The following IL17RA variants were observed in gnomAD, a reference collection of about 807,000 sequenced individuals.
IL17RA encodes the protein interleukin-17 receptor A.
In IL17RA, 34 loss-of-function variants were observed where a neutral mutation model predicts 50.4. The ratio of observed to expected loss-of-function variants is 0.67; its 90% CI spans 0.51 to 0.90. The LOEUF (loss-of-function observed/expected upper bound fraction) is 0.90. Ranked by LOEUF, IL17RA falls within the 40% of genes least tolerant of loss-of-function variation. The pLI is 0.00. For synonymous variants in IL17RA, 585 were observed against 510.4 expected (o/e 1.15, Z -1.97); for missense variants, 1,276 against 1,169.8 (o/e 1.09, Z -1.32).
chr22:17,089,501 A>T (rs1568915585), intron 1 of IL17RA, among the ~76,000 whole-genome samples: 1 of 152,092 alleles, frequency 6.6e-6, no homozygotes, highest in African/African-American at 2.4e-5. Context: ...TGTCATGACA[A>T]TCCCCCCTCT....
At chr22:17,094,691 C>CTCTCTCTCTCTCTATATATATATATATA (rs1448096911) in intron 1 of IL17RA, among the ~76,000 whole-genome samples, 2 of 24,702 alleles carry the variant, frequency 8.1e-5, no homozygotes, top group African/African-American at 2.3e-4. Flanking sequence ...CTCTCTCTCT[C>CTCTCTCTCTCTCTATATATATATATATA]TATATATATA....
Position 17,109,716 on chromosome 22 carries a change from C to A in IL17RA, c.2497C>A (p.Leu833Met), listed in dbSNP as rs867586342. 1 of 1,583,936 alleles carries A rather than the reference C, an allele frequency of 6.3e-7. No individual in the cohort carries two copies. Among genetic ancestry groups the A allele is most frequent in the East Asian group, 2.3e-5 (1 of 43,724 alleles). Residue 833 changes from leucine (L) to methionine (M), a missense_variant, in exon 13 of 13, where the codon CTG becomes ATG. By Grantham distance (15) the Leu-to-Met change is conservative. Transcript: ENST00000319363. ...GGCCCTGCCACTCTCTCCCGAGGAC[C>A]TGGAGAGCCTGAGGAGCCTCCAGCG... ...KPALPLSPED[L>M]ESLRSLQRQL... is the part of the protein sequence containing the mutation.
chr22:17,085,539 GGAA>G (rs1204646238), intron 1 of IL17RA, among the ~76,000 whole-genome samples: 3 of 152,152 alleles, frequency 2.0e-5, no homozygotes, highest in African/African-American at 4.8e-5. Flanking sequence ...CGGAGTTCGG[GGAA>G]GGAGGGCGCG....
rs765984018 is a variant in IL17RA at position 17,102,030 on chromosome 22, A to G, written c.585A>G (p.Pro195=). 1 of 1,614,246 alleles carries G rather than the reference A, an allele frequency of 6.2e-7. No homozygotes were observed. Residue 195 remains proline, a synonymous_variant, in exon 6 of 13, where the codon CCA becomes CCG. Transcript: ENST00000319363. ...CEHARMKVTT[P]CMSSGSLWDP... is the part of the protein sequence containing the mutation. ...ACGCCAGGATGAAGGTAACCACGCCATGCATGAGCTCAGGTAACAGCTGGC... is the reference window on the plus strand; with the variant it reads ...ACGCCAGGATGAAGGTAACCACGCCGTGCATGAGCTCAGGTAACAGCTGGC...
Position 17,109,289 on chromosome 22 carries a change from C to T in IL17RA, c.2070C>T (p.Ala690=), listed in dbSNP as rs770175173. 1.3e-5 allele frequency: 20 copies of T among 1,524,200 alleles called. No homozygotes were observed. The South Asian group carries it at 2.2e-4, about 17-fold the overall frequency. The allele number at this position is 1,524,200 out of a possible 1,614,324, so 94.4% of individuals were successfully genotyped here. Residue 690 remains alanine, a synonymous_variant, in exon 13 of 13, where the codon GCC becomes GCT. Coordinates refer to ENST00000319363, the MANE Select transcript of IL17RA (RefSeq NM_014339.7). The part of the protein sequence containing the change: ...AVEPGPLADG[A]AVRLALAGEG... The stretch of plus-strand genomic sequence containing the variant: ...AGCCTGGGCCCCTGGCTGACGGTGC[C>T]GCAGTCCGGCTGGCACTGGCGGGGG...
At chr22:17,098,595 T>C (rs1419224107) in intron 3 of IL17RA, among the ~76,000 whole-genome samples, 180 bp from the exon 4 acceptor site, 1 of 152,174 alleles carries the variant, frequency 6.6e-6, no homozygotes, top group Non-Finnish European at 1.5e-5. Flanking sequence ...GAAATAACTG[T>C]CTGCAAGGCG....
At chr22:17,093,093 AT>A (rs1172814446) in intron 1 of IL17RA, among the ~76,000 whole-genome samples, 1 of 151,442 alleles carries the variant, frequency 6.6e-6, no homozygotes, top group Non-Finnish European at 1.5e-5. Flanking sequence ...TTCCAGGAGC[AT>A]TTTTTAATTG....
Position 17,103,562 on chromosome 22 carries a change from T to G in IL17RA, c.831T>G (p.Cys277Trp). Reference protein sequence around the residue: ...TLTLRNLKGCCRHQVQIQPFF... With the variant: ...TLTLRNLKGCWRHQVQIQPFF... ...CTCTACGCAACCTTAAAGGGTGCTG[T>G]CGCCACCAAGTGCAGGTGGGTGAGT... The change falls in exon 8 of 13, where the codon TGT (cysteine) becomes TGG (tryptophan). Residue 277 changes from cysteine (C) to tryptophan (W), a missense_variant. Transcript: ENST00000319363. 2 of 1,612,978 alleles carry G rather than the reference T, an allele frequency of 1.2e-6. No homozygotes were observed. The highest frequency in any genetic ancestry group is 1.7e-6 in the Non-Finnish European group (2 of 1,179,560).
At chr22:17,104,698 G>A (rs1183380906) in intron 8 of IL17RA, 28 bp from the exon 9 acceptor site, 1 of 1,609,234 alleles carries the variant, frequency 6.2e-7, no homozygotes, top group Admixed American at 1.7e-5. Flanking sequence ...CAGTTCTGGA[G>A]CCCTTTTCCT....
At chr22:17,087,651 G>A (rs2123789021) in intron 1 of IL17RA, among the ~76,000 whole-genome samples, 1 of 152,332 alleles carries the variant, frequency 6.6e-6, no homozygotes, top group South Asian at 2.1e-4. Context: ...TCAAAACCCA[G>A]ATGACTGATT....
chr22:17,115,569 T>C lies in IL17RA; in HGVS notation c.*5749T>C, dbSNP rs919050600. 2.0e-5 allele frequency: 3 copies of C among 147,720 alleles called. No individual in the cohort carries two copies. The highest frequency in any genetic ancestry group is 7.5e-5 in the African/African-American group (3 of 39,806). 9.2% of individuals were successfully genotyped at this position (147,720 alleles called of 1,614,324 possible). On this transcript the variant is annotated 3_prime_UTR_variant, in exon 13 of 13. Transcript: ENST00000319363. ...AACACAGAGAGGGGCTGTGTAATAC[T>C]GGCTGCCTCTGTGCTAAGAAAAAAA...
At chr22:17,105,350 C>T (rs1241261259) in intron 9 of IL17RA, among the ~76,000 whole-genome samples, 3 of 152,194 alleles carry the variant, frequency 2.0e-5, no homozygotes, top group African/African-American at 7.2e-5. Context: ...AGGCAAGGCG[C>T]AGGCATGGAG....
chr22:17,094,654 ACACT>A (rs1411283880), intron 1 of IL17RA, among the ~76,000 whole-genome samples: 1 of 21,624 alleles, frequency 4.6e-5, no homozygotes, highest in African/African-American at 2.9e-4. Flanking sequence ...AGTCATACAC[ACACT>A]CTCTCTCTCT....
At position 17,107,767 on chromosome 22, in the gene IL17RA, CG is replaced by C; in HGVS notation, c.1087+1del. ...EKYSDDTKYT[D>X]GLPAADLIPP... ...AATACAGTGATGACACCAAATACACCGGTCAGTATTTCCTGGTTTGCATGTT... is the reference window on the plus strand; with the variant it reads ...AATACAGTGATGACACCAAATACACCGTCAGTATTTCCTGGTTTGCATGTT... On this transcript the variant is annotated frameshift_variant and splice_region_variant, in exon 12 of 13. Transcript: ENST00000319363. LOFTEE classifies it low-confidence loss of function (END_TRUNC). 2.5e-6 allele frequency: 4 copies of C among 1,613,118 alleles called. No individual in the cohort carries two copies. Among genetic ancestry groups the C allele is most frequent in the Non-Finnish European group, 3.4e-6 (4 of 1,179,054 alleles).
chr22:17,105,303 C>CTAA (rs1236126703), intron 9 of IL17RA, among the ~76,000 whole-genome samples: 2 of 152,182 alleles, frequency 1.3e-5, no homozygotes, highest in African/African-American at 4.8e-5. Flanking sequence ...GTCGCATGCC[C>CTAA]TAATGCACGG....
At position 17,109,245 on chromosome 22, in the gene IL17RA, G is replaced by A. The variant is rs1287364014; in HGVS notation, c.2026G>A (p.Ala676Thr). The change falls in exon 13 of 13, where the codon GCC becomes ACC. Residue 676 changes from alanine to threonine, a missense_variant. Ala to Thr is a moderately conservative substitution (Grantham distance 58, BLOSUM62 0). Coordinates refer to ENST00000319363, the MANE Select transcript of IL17RA (RefSeq NM_014339.7). The stretch of plus-strand genomic sequence containing the variant: ...CCTGGTGCTCGCCGCAGAGGAGGGG[G>A]CCCTGGTGGCCGCGGTGGAGCCTGG... ...HTLVLAAEEG[A>T]LVAAVEPGPL... is the part of the protein sequence containing the mutation. 2.7e-6 allele frequency: 4 copies of A among 1,490,938 alleles called. No homozygotes were observed. The highest frequency in any genetic ancestry group is 1.4e-5 in the African/African-American group (1 of 71,848). 92.4% of individuals were successfully genotyped at this position (1,490,938 alleles called of 1,614,324 possible).
At chr22:17,096,869 CAA>C (rs5844287) in intron 1 of IL17RA, among the ~76,000 whole-genome samples, 191 bp from the exon 2 acceptor site, 14,813 of 116,006 alleles carry the variant, frequency 0.13, 848 homozygotes, top group African/African-American at 0.14. Flanking sequence ...GACTCCATCT[CAA>C]AAAAAAAAAA....
chr22:17,115,429 CAG>C lies in IL17RA; in HGVS notation c.*5616_*5617del, dbSNP rs1161061302. On this transcript the variant is annotated 3_prime_UTR_variant, in exon 13 of 13. Coordinates refer to ENST00000319363, the MANE Select transcript of IL17RA (RefSeq NM_014339.7). ...GGCCAAAGCCACAGCTAACGAGAGG[CAG>C]AGAGAGCTCAGGCTCCCAGGAGCTT... is the stretch of plus-strand genomic sequence containing the variant. 2.0e-5 allele frequency: 3 copies of C among 152,210 alleles called. No homozygotes were observed. The highest frequency in any genetic ancestry group is 4.4e-5 in the Non-Finnish European group (3 of 68,050). The allele number at this position is 152,210 out of a possible 1,614,324, so 9.4% of individuals were successfully genotyped here.
In IL17RA at chr22:17,108,900, A is replaced by C; in HGVS notation, c.1681A>C (p.Ser561Arg). Residue 561 changes from serine to arginine, a missense_variant, in exon 13 of 13, where the codon AGC (serine) becomes CGC (arginine). By Grantham distance (110) the Ser-to-Arg change is moderately radical. Coordinates refer to ENST00000319363, the MANE Select transcript of IL17RA (RefSeq NM_014339.7). ...GCTGTCGGGGGACAACTACCTGCGG[A>C]GCCCGGGCGGCAGGCAGCTCCGCGC... Reference protein sequence around the residue: ...GELSGDNYLRSPGGRQLRAAL... With the variant: ...GELSGDNYLRRPGGRQLRAAL... The C allele has an allele frequency of 1.2e-6, 2 of 1,611,462 alleles. No individual in the cohort carries two copies. Among genetic ancestry groups the C allele is most frequent in the Non-Finnish European group, 1.7e-6 (2 of 1,179,304 alleles).
Sources: gnomAD v4.1 joint callset for allele counts (sites outside exome capture counted in the v4.1 genomes callset) on GRCh38, gnomAD v4.1.1 for gene constraint, MANE v1.5 for transcripts, NCBI Gene and HGNC (gene_info 2026-07-23, HGNC 2026-07-21) for gene names.